FOCAD: variants seen among roughly 807,000 people sequenced by gnomAD.
FOCAD encodes KIAA1797.
In FOCAD, 198 loss-of-function variants were observed where a neutral mutation model predicts 225.6. The ratio of observed to expected loss-of-function variants is 0.88; its 90% CI spans 0.78 to 0.99. The LOEUF is 0.99. Ranked by LOEUF, FOCAD falls within the 50% of genes least tolerant of loss-of-function variation. The pLI, the probability that FOCAD is intolerant of heterozygous loss-of-function variation, is 0.00. For missense variants in FOCAD, 2,713 were observed against 2,123.6 expected (o/e 1.28, Z -5.46); for synonymous variants, 897 against 755.0 (o/e 1.19, Z -3.08).
At chr9:20,808,839 T>C (rs930711867) in intron 11 of FOCAD, among the ~76,000 whole-genome samples, 1 of 152,212 alleles carries the variant, frequency 6.6e-6, no homozygotes. Context: ...ACATTTAACA[T>C]CCACTTTAGT....
At chr9:20,923,121 T>C (rs1183459541) in intron 24 of FOCAD, among the ~76,000 whole-genome samples, 2 of 152,168 alleles carry the variant, frequency 1.3e-5, no homozygotes, top group Non-Finnish European at 2.9e-5. Flanking sequence ...ATAGTTTTGC[T>C]ATATTAAGAG....
Position 20,995,691 on chromosome 9 carries a change from A to T in FOCAD, c.*62A>T, listed in dbSNP as rs1182522632. ...TGAGGAAAACCATATAAGTGGAAGAAGTTTTTCAGAATTCATGCCTGGTAT... is the reference window on the plus strand; with the variant it reads ...TGAGGAAAACCATATAAGTGGAAGATGTTTTTCAGAATTCATGCCTGGTAT... On this transcript the variant is annotated 3_prime_UTR_variant, in exon 44 of 44. Transcript: ENST00000338382. 1 of 1,473,030 alleles carries T rather than the reference A, an allele frequency of 6.8e-7. No individual in the cohort carries two copies. The highest frequency in any genetic ancestry group is 1.4e-5 in the African/African-American group (1 of 71,960). The allele number at this position is 1,473,030 out of a possible 1,614,324, so 91.2% of individuals were successfully genotyped here. A position where few individuals can be genotyped will look rare whatever the true frequency, so the allele number is the denominator to read the frequency against.
intron 9 of FOCAD, among the ~76,000 whole-genome samples, chr9:20,779,672 C>T (rs957552135): frequency 4.6e-5 from 7 of 151,998 alleles, no homozygotes; most frequent in Admixed American, 6.6e-5. Flanking sequence ...ATCACCTGAA[C>T]CCCGGAGGCA....
In FOCAD at chr9:20,765,087, C is replaced by G; in HGVS notation, c.699+14C>G. The G allele has an allele frequency of 6.2e-7, 1 of 1,605,346 alleles. No individual in the cohort carries two copies. Among genetic ancestry groups the G allele is most frequent in the Non-Finnish European group, 8.5e-7 (1 of 1,174,746 alleles). ...CCATGTTTGCAGGTAAGGTCTTTGT[C>G]CTCCTCCACAAATATAGGTCAGCAT... On this transcript the variant is annotated intron_variant, in intron 7 of 43. Transcript: ENST00000338382.
chr9:20,927,836 C>T (rs1835100780), intron 26 of FOCAD: 1 of 151,902 alleles, frequency 6.6e-6, no homozygotes, highest in South Asian at 2.1e-4. Flanking sequence ...AACCTTAATG[C>T]CGAAGGTCTT....
chr9:20,805,532 T>A (rs954114552), intron 11 of FOCAD, among the ~76,000 whole-genome samples: 9 of 152,188 alleles, frequency 5.9e-5, no homozygotes, highest in Non-Finnish European at 1.2e-4. Flanking sequence ...TTTTTTTTGT[T>A]AATTTTCAGG....
chr9:20,747,789 T>G (rs1199542570), intron 5 of FOCAD, among the ~76,000 whole-genome samples: 6 of 151,438 alleles, frequency 4.0e-5, no homozygotes, highest in Non-Finnish European at 8.8e-5. Context: ...TATCTTGGAA[T>G]TTTTTGATGC....
At chr9:20,971,675 C>T (rs1336370848) in intron 35 of FOCAD, among the ~76,000 whole-genome samples, 1 of 152,078 alleles carries the variant, frequency 6.6e-6, no homozygotes, top group African/African-American at 2.4e-5. Flanking sequence ...AATGTATATT[C>T]ATATTGTTAT....
intron 5 of FOCAD, among the ~76,000 whole-genome samples, chr9:20,747,655 A>G (rs1038494976): frequency 6.6e-6 from 1 of 152,160 alleles, no homozygotes; most frequent in Non-Finnish European, 1.5e-5. Flanking sequence ...GATTTGCCTT[A>G]TAAGTGGAAC....
intron 28 of FOCAD, among the ~76,000 whole-genome samples, chr9:20,938,267 A>C (rs1836213872): frequency 6.6e-6 from 1 of 152,226 alleles, no homozygotes; most frequent in Non-Finnish European, 1.5e-5. Context: ...GCTGCTATAA[A>C]GACACATGCA....
At chr9:20,664,775 G>A (rs572551962) in intron 2 of FOCAD, among the ~76,000 whole-genome samples, 34 of 151,750 alleles carry the variant, frequency 2.2e-4, no homozygotes, top group South Asian at 1.7e-3. Flanking sequence ...CATTGTGCCC[G>A]GCCCAGGGTG....
At chr9:20,923,566 G>A (rs1422218836) in intron 24 of FOCAD, 94 bp from the exon 25 acceptor site, 8 of 805,158 alleles carry the variant, frequency 9.9e-6, no homozygotes, top group Non-Finnish European at 1.2e-5. Context: ...AACACAAGTT[G>A]CTTTTTGACT....
intron 10 of FOCAD, among the ~76,000 whole-genome samples, chr9:20,787,623 T>C (rs540520620): frequency 2.7e-4 from 41 of 152,200 alleles, no homozygotes; most frequent in Admixed American, 6.5e-4. Flanking sequence ...TAGTAATATA[T>C]TCAAATGGTT....
At chr9:20,961,249 A>G (rs1838699722) in intron 35 of FOCAD, among the ~76,000 whole-genome samples, 1 of 148,034 alleles carries the variant, frequency 6.8e-6, no homozygotes, top group Admixed American at 6.8e-5. Context: ...GTAAATTCCT[A>G]TGTTATTTAA....
Position 20,953,190 on chromosome 9 carries a change from C to G in FOCAD, c.4132+125C>G, listed in dbSNP as rs529991462. On this transcript the variant is annotated intron_variant, in intron 35 of 43. Transcript: ENST00000338382. ...AATCTGAAGGGGTGAATATTTTCGT[C>G]TGCTAAACCATCTTTGCAATAGAGA... is the stretch of plus-strand genomic sequence containing the variant. 113 of 699,126 alleles carry G rather than the reference C, an allele frequency of 1.6e-4. No homozygotes were observed. The African/African-American group carries it at 1.8e-3, about 11-fold the overall frequency. 43.3% of individuals were successfully genotyped at this position (699,126 alleles called of 1,614,324 possible). A position where few individuals can be genotyped will look rare whatever the true frequency, so the allele number is the denominator to read the frequency against.
intron 10 of FOCAD, chr9:20,786,995 G>C (rs10511686): frequency 0.22 from 104,076 of 479,266 alleles, 11,877 homozygotes; most frequent in Middle Eastern, 0.26. Context: ...GAGAGAAAAC[G>C]CTTGATTGCA....
At chr9:20,808,727 A>G (rs967064314) in intron 11 of FOCAD, among the ~76,000 whole-genome samples, 38 of 152,158 alleles carry the variant, frequency 2.5e-4, no homozygotes, top group African/African-American at 9.2e-4. Flanking sequence ...CTTTGGGCAG[A>G]AAATCTGTCC....
At chr9:20,801,408 A>G (rs111678488) in intron 11 of FOCAD, among the ~76,000 whole-genome samples, 167 of 152,252 alleles carry the variant, frequency 1.1e-3, no homozygotes, top group African/African-American at 3.9e-3. Context: ...TCTCGAAACC[A>G]TGATCTCAAG....
At chr9:20,909,634 CAAAAG>C (rs143527679) in intron 22 of FOCAD, among the ~76,000 whole-genome samples, 1,707 of 151,870 alleles carry the variant, frequency 0.011, 30 homozygotes, top group African/African-American at 0.039. Flanking sequence ...GAATTGGTGA[CAAAAG>C]AAGAGAAAGT....
Sources: allele counts gnomAD v4.1 joint callset (sites outside exome capture counted in the v4.1 genomes callset), GRCh38; gene constraint gnomAD v4.1.1; transcripts MANE v1.5; gene names NCBI Gene and HGNC (gene_info 2026-07-23, HGNC 2026-07-21).